Variants in PIAS2 observed in about 807,000 individuals in gnomAD.
The protein encoded by PIAS2 is E3 SUMO-protein ligase PIAS2.
A neutral mutation model predicts 69.7 loss-of-function variants in PIAS2; 19 were observed. The observed-to-expected ratio is 0.27, with a 90% CI of 0.19 to 0.40. The LOEUF (loss-of-function observed/expected upper bound fraction) is 0.40. Ranked by LOEUF, PIAS2 falls within the 10% of genes least tolerant of loss-of-function variation. The pLI, the probability that PIAS2 is intolerant of heterozygous loss-of-function variation, is 1.00. For missense variants in PIAS2, 624 were observed against 757.0 expected, an observed-to-expected ratio of 0.82 and a Z score of 2.06; for synonymous variants, 261 against 263.2, an observed-to-expected ratio of 0.99 and a Z score of 0.08.
At chr18:46,862,591 TA>T (rs2048825190) in intron 3 of PIAS2, among the ~76,000 whole-genome samples, 2 of 152,220 alleles carry the variant, frequency 1.3e-5, no homozygotes, top group South Asian at 4.2e-4. Flanking sequence ...GTCATATAAA[TA>T]ATGTTTTGTT....
chr18:46,862,656 CACATATATAT>C (rs2048844663), intron 3 of PIAS2, among the ~76,000 whole-genome samples: 1 of 151,610 alleles, frequency 6.6e-6, no homozygotes, highest in Admixed American at 6.6e-5. Flanking sequence ...CACATATATA[CACATATATAT>C]ACACACATAT....
chr18:46,817,552 CAATT>C (rs1460384252), intron 12 of PIAS2: 5 of 927,376 alleles, frequency 5.4e-6, no homozygotes, highest in African/African-American at 3.6e-5. Flanking sequence ...ATTTAGAAAA[CAATT>C]AAGAGATTTA....
At chr18:46,875,794 C>T (rs1249891403) in intron 2 of PIAS2, among the ~76,000 whole-genome samples, 2 of 152,248 alleles carry the variant, frequency 1.3e-5, no homozygotes, top group Non-Finnish European at 2.9e-5. Context: ...GTGCGCACCG[C>T]AGGCCAGAGG....
rs563125660 is a variant in PIAS2, at chr18:46,877,542, T to C, written c.499+13038A>G. 2.0e-5 allele frequency among the ~76,000 whole-genome samples: 3 copies of C among 152,310 alleles called. No individual in the cohort carries two copies. In the East Asian group the frequency reaches 5.8e-4, roughly 29 times the overall value. ...CTCTTCCCATCAAAACTACCCTTCC[T>C]GCCTTTGCCGCGCCCTGACATGCCC... is the stretch of plus-strand genomic sequence containing the variant. On this transcript the variant is annotated intron_variant, in intron 2 of 13. Transcript: ENST00000585916.
At chr18:46,877,614 T>G (rs1568673771) in intron 2 of PIAS2, among the ~76,000 whole-genome samples, 1 of 152,128 alleles carries the variant, frequency 6.6e-6, no homozygotes, top group African/African-American at 2.4e-5. Context: ...TCCTACCTAA[T>G]TATTCATATT....
rs114596483 is a variant in PIAS2 at position 46,829,662 on chromosome 18, C to T, written c.1336+72G>A. The T allele has an allele frequency of 2.6e-3, 3,516 of 1,360,112 alleles. 77 individuals are homozygous for T. In the African/African-American group the frequency reaches 0.045, roughly 17 times the overall value. 84.3% of individuals were successfully genotyped at this position (1,360,112 alleles called of 1,614,324 possible). On this transcript the variant is annotated intron_variant, in intron 10 of 13. Coordinates refer to ENST00000585916, the MANE Select transcript of PIAS2 (RefSeq NM_004671.5). ...CAAGCTGAATTCCAAACGTATAGTT[C>T]TAGGGGCCAAGATTAATGATAATGT...
intron 9 of PIAS2, among the ~76,000 whole-genome samples, chr18:46,833,451 T>G (rs1463307949): frequency 6.6e-6 from 1 of 152,166 alleles, no homozygotes; most frequent in African/African-American, 2.4e-5. Flanking sequence ...TTATCTTGAC[T>G]GGGATAATGA....
chr18:46,868,446 G>A (rs779819693), intron 2 of PIAS2, among the ~76,000 whole-genome samples: 31 of 152,098 alleles, frequency 2.0e-4, no homozygotes, highest in South Asian at 8.3e-4. Flanking sequence ...CGCCTTTGCC[G>A]CACCCTGACA....
intron 1 of PIAS2, among the ~76,000 whole-genome samples, chr18:46,914,349 A>G (rs1200615165): frequency 6.6e-6 from 1 of 152,090 alleles, no homozygotes; most frequent in Non-Finnish European, 1.5e-5. Context: ...TAGAGACCTA[A>G]ACTCAGCCAA....
At chr18:46,864,339 C>A in intron 2 of PIAS2, 91 bp from the exon 3 acceptor site, 2 of 767,746 alleles carry the variant, frequency 2.6e-6, no homozygotes, top group South Asian at 1.9e-5. Context: ...TTATAAAGTA[C>A]CTGCCAAATT....
intron 2 of PIAS2, among the ~76,000 whole-genome samples, chr18:46,881,313 G>A (rs1438203509): frequency 6.6e-6 from 1 of 152,064 alleles, no homozygotes; most frequent in African/African-American, 2.4e-5. Flanking sequence ...CTGTGGGTGT[G>A]TACCATTTTA....
At chr18:46,917,569 C>A (rs2058132667), upstream of PIAS2, 14 of 1,093,646 alleles carry the variant, frequency 1.3e-5, no homozygotes, top group Non-Finnish European at 1.6e-5. Context: ...TGCCCCCTGC[C>A]CACCCGCGCG....
intron 2 of PIAS2, among the ~76,000 whole-genome samples, chr18:46,878,077 C>T (rs761044131): frequency 2.0e-5 from 3 of 152,162 alleles, no homozygotes; most frequent in African/African-American, 7.2e-5. Flanking sequence ...CCTTTTTCCT[C>T]TTTATAAATT....
chr18:46,838,977 A>C (rs2044880265), intron 8 of PIAS2, among the ~76,000 whole-genome samples: 1 of 152,230 alleles, frequency 6.6e-6, no homozygotes, highest in South Asian at 2.1e-4. Flanking sequence ...CCTATTCAGC[A>C]CCCAATGAGA....
intron 3 of PIAS2, among the ~76,000 whole-genome samples, chr18:46,861,680 A>G (rs1294650535): frequency 6.6e-6 from 1 of 152,184 alleles, no homozygotes; most frequent in African/African-American, 2.4e-5. Flanking sequence ...CATCAGCCGT[A>G]CCCCCAAATC....
At chr18:46,816,301 T>C in intron 12 of PIAS2, 1 of 950,618 alleles carries the variant, frequency 1.1e-6, no homozygotes, top group Non-Finnish European at 1.3e-6. Context: ...AAATATCTAC[T>C]AACCAGTATG....
intron 1 of PIAS2, among the ~76,000 whole-genome samples, chr18:46,895,215 G>A (rs1450420125): frequency 6.6e-6 from 1 of 152,064 alleles, no homozygotes; most frequent in Non-Finnish European, 1.5e-5. Flanking sequence ...CTAGAATTTG[G>A]GGAAGTGCTA....
rs2040638824 is a variant in PIAS2, at chr18:46,805,371, A to G, written c.*7062T>C. On this transcript the variant is annotated 3_prime_UTR_variant, in exon 14 of 14. Transcript: ENST00000585916. Reference sequence around the variant, plus strand: ...AAATCATCTATAGAATGTTCAAGATATTAATAATAATGACCAGAATCAAGG... The same window carrying G: ...AAATCATCTATAGAATGTTCAAGATGTTAATAATAATGACCAGAATCAAGG... 1 of 152,222 alleles carries G rather than the reference A, an allele frequency of 6.6e-6. No individual in the cohort carries two copies. The highest frequency in any genetic ancestry group is 1.5e-5 in the Non-Finnish European group (1 of 68,042). The allele number at this position is 152,222 out of a possible 1,614,324, so 9.4% of individuals were successfully genotyped here.
rs1482139050 is a variant in PIAS2, at chr18:46,828,010, G to C, written c.1457C>G (p.Ala486Gly). The C allele has an allele frequency of 6.2e-7, 1 of 1,613,774 alleles. No homozygotes were observed. Among genetic ancestry groups the C allele is most frequent in the Middle Eastern group, 1.7e-4 (1 of 6,056 alleles). Residue 486 changes from alanine (A) to glycine (G), a missense_variant, in exon 11 of 14, where the codon GCC becomes GGC. Coordinates refer to ENST00000585916, the MANE Select transcript of PIAS2 (RefSeq NM_004671.5). ...SSSDEEEDPP[A>G]KRKCIFMSET... is the part of the protein sequence containing the mutation. ...TGACATAAAGATGCATTTCCTTTTGGCAGGAGGGTCTTCCTCTTCGTCAGA... is the reference window on the plus strand; with the variant it reads ...TGACATAAAGATGCATTTCCTTTTGCCAGGAGGGTCTTCCTCTTCGTCAGA...
Sources: allele counts gnomAD v4.1 joint callset (sites outside exome capture counted in the v4.1 genomes callset), GRCh38; gene constraint gnomAD v4.1.1; transcripts MANE v1.5; gene names NCBI Gene and HGNC (gene_info 2026-07-23, HGNC 2026-07-21).